PTPRD: variants seen among roughly 807,000 people sequenced by gnomAD.
The protein encoded by PTPRD is receptor-type tyrosine-protein phosphatase delta.
PTPRD carries 34 observed loss-of-function variants against 214.5 expected under a neutral mutation model. That is an observed-to-expected ratio of 0.16 (90% CI 0.12 to 0.21). The LOEUF (loss-of-function observed/expected upper bound fraction) is 0.21. Among genes scored for constraint, PTPRD ranks in the 10% least tolerant of loss-of-function variants. The pLI is 1.00. For missense variants in PTPRD, 2,545 were observed against 2,398.7 expected (o/e 1.06, Z -1.27); for synonymous variants, 1,128 against 845.7 (o/e 1.33, Z -5.79).
intron 11 of PTPRD, among the ~76,000 whole-genome samples, chr9:8,784,883 G>A (rs1200224728): frequency 6.6e-6 from 1 of 151,914 alleles, no homozygotes. Context: ...CTTGCACTGC[G>A]AGCCCCTCAA....
At chr9:8,822,646 T>A (rs937072285) in intron 11 of PTPRD, among the ~76,000 whole-genome samples, 1 of 152,218 alleles carries the variant, frequency 6.6e-6, no homozygotes, top group African/African-American at 2.4e-5. Flanking sequence ...ATTGAGGACT[T>A]ATTTGTGTTA....
intron 5 of PTPRD, among the ~76,000 whole-genome samples, chr9:9,922,399 C>T (rs920317237): frequency 1.3e-5 from 2 of 152,050 alleles, no homozygotes; most frequent in Admixed American, 6.6e-5. Context: ...CTGTAACCTT[C>T]TTTCCCTTTT....
intron 2 of PTPRD, among the ~76,000 whole-genome samples, chr9:10,397,449 G>A (rs1248999040): frequency 6.6e-6 from 1 of 151,918 alleles, no homozygotes; most frequent in East Asian, 2.0e-4. Flanking sequence ...CAATCCTTTT[G>A]TTTTTGGAGA....
At chr9:9,024,166 G>C (rs1311844842) in intron 10 of PTPRD, among the ~76,000 whole-genome samples, 2 of 151,406 alleles carry the variant, frequency 1.3e-5, no homozygotes, top group African/African-American at 4.8e-5. Context: ...TATTTTATAA[G>C]TTCATTAATA....
intron 9 of PTPRD, among the ~76,000 whole-genome samples, chr9:9,329,053 C>G (rs955046050): frequency 3.9e-5 from 6 of 151,926 alleles, no homozygotes; most frequent in African/African-American, 1.4e-4. Context: ...TTGAGAACAT[C>G]TGTCAGAAAA....
At chr9:10,268,911 G>A (rs1048723388) in intron 3 of PTPRD, among the ~76,000 whole-genome samples, 27 of 152,192 alleles carry the variant, frequency 1.8e-4, no homozygotes, top group Non-Finnish European at 2.6e-4. Flanking sequence ...GGCATTATTT[G>A]TTGTCCTGTG....
Position 8,649,293 on chromosome 9 carries a change from G to C in PTPRD, c.65-12449C>G, listed in dbSNP as rs180981513. 3.5e-3 allele frequency among the ~76,000 whole-genome samples: 531 copies of C among 152,310 alleles called. 7 individuals carry two copies. Among genetic ancestry groups the C allele is most frequent in the African/African-American group, 0.012 (514 of 41,566 alleles). ...GTCACTGTATGAGCTGAAAGGCTTT[G>C]AGCCAATATGAATTTTTGTAACGCT... On this transcript the variant is annotated intron_variant, in intron 12 of 45. Transcript: ENST00000381196.
intron 2 of PTPRD, among the ~76,000 whole-genome samples, chr9:10,525,889 T>G (rs1325059323): frequency 1.3e-5 from 2 of 152,056 alleles, no homozygotes; most frequent in Non-Finnish European, 2.9e-5. Context: ...TTCTCAAACA[T>G]CCTGTGTTAA....
At chr9:8,851,098 G>C (rs937268464) in intron 11 of PTPRD, among the ~76,000 whole-genome samples, 1 of 151,766 alleles carries the variant, frequency 6.6e-6, no homozygotes, top group African/African-American at 2.4e-5. Context: ...ACTGGCTACA[G>C]GCACCCACCA....
intron 11 of PTPRD, among the ~76,000 whole-genome samples, chr9:8,801,004 T>C (rs768800172): frequency 2.6e-5 from 4 of 152,194 alleles, no homozygotes; most frequent in African/African-American, 4.8e-5. Flanking sequence ...ACTTAATCTC[T>C]CTAAGCCTTA....
At chr9:10,130,235 T>C (rs953734123) in intron 3 of PTPRD, among the ~76,000 whole-genome samples, 2 of 151,784 alleles carry the variant, frequency 1.3e-5, no homozygotes, top group South Asian at 2.1e-4. Flanking sequence ...CCAATTGAGA[T>C]AGCTTATTCA....
At chr9:9,325,299 C>T (rs142638227) in intron 9 of PTPRD, among the ~76,000 whole-genome samples, 10 of 152,216 alleles carry the variant, frequency 6.6e-5, no homozygotes, top group Admixed American at 1.3e-4. Context: ...GCCATTTTCA[C>T]GATATTGATT....
At chr9:9,687,368 C>G (rs893750992) in intron 7 of PTPRD, among the ~76,000 whole-genome samples, 1 of 151,698 alleles carries the variant, frequency 6.6e-6, no homozygotes, top group East Asian at 1.9e-4. Flanking sequence ...TTTGTGGAAG[C>G]CTTCATAAGG....
chr9:10,519,005 T>A (rs2051172211), intron 2 of PTPRD, among the ~76,000 whole-genome samples: 1 of 152,040 alleles, frequency 6.6e-6, no homozygotes, highest in Non-Finnish European at 1.5e-5. Context: ...AAACCTGCAC[T>A]CTTATCTCCT....
chr9:9,914,731 C>A (rs1421691979), intron 5 of PTPRD, among the ~76,000 whole-genome samples: 1 of 152,138 alleles, frequency 6.6e-6, no homozygotes, highest in Non-Finnish European at 1.5e-5. Context: ...AGCTGACTAC[C>A]AGCAGACACA....
chr9:9,235,285 G>A (rs1044330387), intron 9 of PTPRD, among the ~76,000 whole-genome samples: 2 of 152,136 alleles, frequency 1.3e-5, no homozygotes, highest in Non-Finnish European at 2.9e-5. Context: ...TCCCTCCCAT[G>A]ACAAATGTGG....
intron 7 of PTPRD, among the ~76,000 whole-genome samples, chr9:9,584,925 C>T (rs1300069286): frequency 1.3e-5 from 2 of 151,922 alleles, no homozygotes; most frequent in African/African-American, 4.8e-5. Flanking sequence ...CCAAAAAATT[C>T]TAATGATGCC....
intron 3 of PTPRD, among the ~76,000 whole-genome samples, chr9:10,128,443 G>T (rs2098835692): frequency 6.6e-6 from 1 of 152,060 alleles, no homozygotes; most frequent in African/African-American, 2.4e-5. Context: ...AGAAGTCAAG[G>T]AACACCAACG....
intron 7 of PTPRD, among the ~76,000 whole-genome samples, chr9:9,637,552 G>A (rs977351033): frequency 4.6e-5 from 7 of 152,304 alleles, no homozygotes; most frequent in African/African-American, 1.7e-4. Context: ...CTGGTACACT[G>A]GGGTGGATGT....
Sources: gnomAD v4.1 joint callset for allele counts (sites outside exome capture counted in the v4.1 genomes callset) on GRCh38, gnomAD v4.1.1 for gene constraint, MANE v1.5 for transcripts, NCBI Gene and HGNC (gene_info 2026-07-23, HGNC 2026-07-21) for gene names.